The following SLC44A1 variants were observed in gnomAD, a reference collection of about 807,000 sequenced individuals.
SLC44A1 encodes choline transporter-like protein 1.
In SLC44A1, 26 loss-of-function variants were observed where a neutral mutation model predicts 79.3. The observed-to-expected ratio is 0.33, with a 90% CI of 0.24 to 0.46. The LOEUF (loss-of-function observed/expected upper bound fraction) is 0.46. Ranked by LOEUF, SLC44A1 falls within the 20% of genes least tolerant of loss-of-function variation. SLC44A1 has a pLI of 1.00. For synonymous variants in SLC44A1, 263 were observed against 286.2 expected, an observed-to-expected ratio of 0.92 and a Z score of 0.82; for missense variants, 688 against 798.1, an observed-to-expected ratio of 0.86 and a Z score of 1.66.
In SLC44A1 at chr9:105,392,456, G is replaced by C; in HGVS notation, c.*3400G>C. ...CCGTGAGGGCATTAGGCTGCTGATT[G>C]TAAGTTATTTCCAATACCACTGATC... On this transcript the variant is annotated 3_prime_UTR_variant, in exon 16 of 16. Transcript: ENST00000374720. 1 of 584,184 alleles carries C rather than the reference G, an allele frequency of 1.7e-6. No individual in the cohort carries two copies. The allele number at this position is 584,184 out of a possible 1,614,324, so 36.2% of individuals were successfully genotyped here. A position where few individuals can be genotyped will look rare whatever the true frequency, so the allele number is the denominator to read the frequency against.
At position 105,389,781 on chromosome 9, in the gene SLC44A1, T is replaced by C. The variant is rs535250328; in HGVS notation, c.*725T>C. The stretch of plus-strand genomic sequence containing the variant: ...CTTTCGTATGCAAACTTTTCCCTTA[T>C]ATTTTGTCTTTCTTTCCTTTTTGAC... On this transcript the variant is annotated 3_prime_UTR_variant, in exon 16 of 16. Transcript: ENST00000374720. 2.3e-6 allele frequency: 3 copies of C among 1,328,612 alleles called. No homozygotes were observed. The African/African-American group carries it at 4.5e-5, about 20-fold the overall frequency. 82.3% of individuals were successfully genotyped at this position (1,328,612 alleles called of 1,614,324 possible). A position where few individuals can be genotyped will look rare whatever the true frequency, so the allele number is the denominator to read the frequency against.
intron 1 of SLC44A1, among the ~76,000 whole-genome samples, chr9:105,270,033 G>A (rs989209462): frequency 6.6e-6 from 1 of 152,164 alleles, no homozygotes; most frequent in Admixed American, 6.5e-5. Context: ...GGTTATACAT[G>A]TAAGGTGCTT....
intron 4 of SLC44A1, among the ~76,000 whole-genome samples, chr9:105,338,712 C>T (rs1826998296): frequency 6.6e-6 from 1 of 152,164 alleles, no homozygotes; most frequent in Admixed American, 6.5e-5. Flanking sequence ...GATACCTGGC[C>T]ATTCAGTTAT....
intron 12 of SLC44A1, among the ~76,000 whole-genome samples, chr9:105,373,662 A>C (rs953775912): frequency 6.6e-6 from 1 of 152,202 alleles, no homozygotes; most frequent in South Asian, 2.1e-4. Flanking sequence ...CAATGTCCCA[A>C]CTGTCACCAG....
chr9:105,404,645 G>A (rs972959566), intron 15 of SLC44A1, among the ~76,000 whole-genome samples: 1 of 152,200 alleles, frequency 6.6e-6, no homozygotes, highest in African/African-American at 2.4e-5. Flanking sequence ...AATGAACTTA[G>A]GGGATAGGAA....
At chr9:105,267,650 C>CTG (rs1484106213) in intron 1 of SLC44A1, among the ~76,000 whole-genome samples, 1 of 152,056 alleles carries the variant, frequency 6.6e-6, no homozygotes, top group South Asian at 2.1e-4. Context: ...TGTTATCTCT[C>CTG]TGTGTGTGTT....
At chr9:105,367,809 C>G (rs1446089477) in intron 12 of SLC44A1, among the ~76,000 whole-genome samples, 1 of 152,106 alleles carries the variant, frequency 6.6e-6, no homozygotes, top group Non-Finnish European at 1.5e-5. Context: ...GAGTTAGAAG[C>G]TGAGGTCATA....
chr9:105,424,193 G>T (rs1829291005), intron 15 of SLC44A1, among the ~76,000 whole-genome samples: 1 of 152,146 alleles, frequency 6.6e-6, no homozygotes, highest in Non-Finnish European at 1.5e-5. Flanking sequence ...CTTCCATGGG[G>T]CAAGGAGTCC....
At chr9:105,343,951 G>A (rs1827175354) in intron 4 of SLC44A1, among the ~76,000 whole-genome samples, 1 of 152,190 alleles carries the variant, frequency 6.6e-6, no homozygotes. Flanking sequence ...ATTTCTGTAG[G>A]TGGATGCTTC....
chr9:105,430,220 C>G (rs930911824), intron 15 of SLC44A1, among the ~76,000 whole-genome samples: 2 of 152,180 alleles, frequency 1.3e-5, no homozygotes, highest in Non-Finnish European at 2.9e-5. Flanking sequence ...ATGTGGAGCT[C>G]AATCATCTAT....
At chr9:105,335,913 T>C (rs1826903330) in intron 4 of SLC44A1, among the ~76,000 whole-genome samples, 1 of 152,202 alleles carries the variant, frequency 6.6e-6, no homozygotes, top group Non-Finnish European at 1.5e-5. Context: ...TGAGTGGGTC[T>C]TTGTGCTCTG....
chr9:105,362,064 G>A (rs548885965), intron 8 of SLC44A1, among the ~76,000 whole-genome samples: 107 of 151,844 alleles, frequency 7.0e-4, no homozygotes, highest in Admixed American at 1.0e-3. Context: ...GTGTGTGTGC[G>A]CGCGCGCGCG....
chr9:105,333,092 A>G (rs943735554), intron 3 of SLC44A1, among the ~76,000 whole-genome samples: 1 of 152,194 alleles, frequency 6.6e-6, no homozygotes, highest in Admixed American at 6.5e-5. Flanking sequence ...TCAAAGGAAT[A>G]TGTTTTAAGG....
chr9:105,301,307 T>A (rs1210374609), intron 2 of SLC44A1, among the ~76,000 whole-genome samples: 1 of 152,244 alleles, frequency 6.6e-6, no homozygotes, highest in Non-Finnish European at 1.5e-5. Context: ...TGAAACATTT[T>A]AATGCAATGG....
intron 1 of SLC44A1, among the ~76,000 whole-genome samples, chr9:105,271,856 C>T (rs1485359660): frequency 1.3e-5 from 2 of 152,260 alleles, no homozygotes; most frequent in East Asian, 1.9e-4. Flanking sequence ...TCAGGTGATC[C>T]TCCTGCCTCG....
chr9:105,430,072 G>T (rs369222090), intron 15 of SLC44A1, among the ~76,000 whole-genome samples: 1 of 151,892 alleles, frequency 6.6e-6, no homozygotes, highest in African/African-American at 2.4e-5. Flanking sequence ...AATGCCCGGC[G>T]AATTTTTAAA....
intron 3 of SLC44A1, among the ~76,000 whole-genome samples, chr9:105,327,845 C>T (rs79296489): frequency 0.016 from 2,490 of 152,276 alleles, 67 homozygotes; most frequent in African/African-American, 0.057. Context: ...CCTGTTTTCC[C>T]TGCTCTAGCA....
chr9:105,397,964 GAA>G (rs200868884), downstream of SLC44A1, among the ~76,000 whole-genome samples: 2 of 151,406 alleles, frequency 1.3e-5, no homozygotes, highest in Non-Finnish European at 2.9e-5. Flanking sequence ...AAAAAAAAAA[GAA>G]AAAAAGAAAA....
rs916057245 is a variant in SLC44A1 at position 105,397,022 on chromosome 9, T to C, written c.*7966T>C. On this transcript the variant is annotated 3_prime_UTR_variant, in exon 16 of 16. Coordinates refer to ENST00000374720, the MANE Select transcript of SLC44A1 (RefSeq NM_080546.5). ...TGCAGACTTTGCAGATGGAGCATTA[T>C]GCTCTCAGAGGACTTTAAAAATATG... 67 of 985,124 alleles carry C rather than the reference T, an allele frequency of 6.8e-5. No individual in the cohort carries two copies. Among genetic ancestry groups the C allele is most frequent in the Admixed American group, 2.5e-4 (4 of 16,268 alleles). The allele number at this position is 985,124 out of a possible 1,614,324, so 61.0% of individuals were successfully genotyped here.
Sources: allele counts gnomAD v4.1 joint callset (sites outside exome capture counted in the v4.1 genomes callset), GRCh38; gene constraint gnomAD v4.1.1; transcripts MANE v1.5; gene names NCBI Gene and HGNC (gene_info 2026-07-23, HGNC 2026-07-21).